Variants in PRIMPOL observed in about 807,000 individuals in gnomAD.
The protein encoded by PRIMPOL is DNA-directed primase/polymerase protein.
In PRIMPOL, 54 loss-of-function variants were observed where a neutral mutation model predicts 63.6. The observed-to-expected ratio is 0.85, with a 90% CI of 0.68 to 1.07. The LOEUF (loss-of-function observed/expected upper bound fraction) is 1.07, where lower values mean the gene tolerates loss of function less well. Ranked by LOEUF, PRIMPOL falls within the 50% of genes least tolerant of loss-of-function variation. The probability of loss-of-function intolerance (pLI) is 0.00; values close to 1 mark genes in which losing one functional copy is unlikely to be tolerated. For missense variants in PRIMPOL, 610 were observed against 648.3 expected (o/e 0.94, Z 0.64); for synonymous variants, 197 against 220.2 (o/e 0.89, Z 0.93).
chr4:184,667,384 C>T (rs548526303), intron 6 of PRIMPOL, among the ~76,000 whole-genome samples: 17 of 152,122 alleles, frequency 1.1e-4, no homozygotes, highest in African/African-American at 4.1e-4. Context: ...GTTCTTGGCT[C>T]ACTGCAACCT....
intron 11 of PRIMPOL, among the ~76,000 whole-genome samples, chr4:184,690,563 G>A (rs1380099325): frequency 1.3e-5 from 2 of 152,108 alleles, no homozygotes; most frequent in African/African-American, 4.8e-5. Flanking sequence ...AGGTTCAAGT[G>A]ATTCTCCTGC....
At chr4:184,684,445 G>T (rs1176922670) in intron 9 of PRIMPOL, among the ~76,000 whole-genome samples, 1 of 35,912 alleles carries the variant, frequency 2.8e-5, no homozygotes, top group East Asian at 0.062. Flanking sequence ...AACAGAGCAA[G>T]ACTCTGTCTC....
chr4:184,656,814 A>G (rs1746592466), intron 2 of PRIMPOL, among the ~76,000 whole-genome samples: 2 of 152,230 alleles, frequency 1.3e-5, no homozygotes, highest in Admixed American at 6.5e-5. Context: ...TATATAAAGT[A>G]CTCAAGATGA....
intron 8 of PRIMPOL, among the ~76,000 whole-genome samples, chr4:184,679,550 G>T (rs1376202934): frequency 6.6e-6 from 1 of 152,212 alleles, no homozygotes; most frequent in Non-Finnish European, 1.5e-5. Context: ...ATGTTGATAA[G>T]TTATTGGAAA....
Position 184,659,450 on chromosome 4 carries a change from C to T in PRIMPOL, c.278+13C>T. On this transcript the variant is annotated intron_variant, in intron 4 of 13. Coordinates refer to ENST00000314970, the MANE Select transcript of PRIMPOL (RefSeq NM_152683.4). ...ACTATAAATCCAGGTAGGTAGCATG[C>T]AGCAGAACCACACATTAAGCTAGAG... 4 of 1,536,894 alleles carry T rather than the reference C, an allele frequency of 2.6e-6. No individual in the cohort carries two copies. Among genetic ancestry groups the T allele is most frequent in the Non-Finnish European group, 3.6e-6 (4 of 1,109,926 alleles).
At chr4:184,676,282 T>C (rs1403224272) in intron 7 of PRIMPOL, among the ~76,000 whole-genome samples, 1 of 149,274 alleles carries the variant, frequency 6.7e-6, no homozygotes, top group Non-Finnish European at 1.5e-5. Flanking sequence ...TACAAATCAA[T>C]CTTTCTTCCC....
chr4:184,691,771 C>A, intron 13 of PRIMPOL, 59 bp downstream of exon 13: 1 of 1,329,244 alleles, frequency 7.5e-7, no homozygotes, highest in Non-Finnish European at 1.1e-6. Flanking sequence ...CAATAGTATA[C>A]CTGAGCCATG....
At chr4:184,684,322 G>T (rs958040837) in intron 9 of PRIMPOL, among the ~76,000 whole-genome samples, 1 of 152,112 alleles carries the variant, frequency 6.6e-6, no homozygotes, top group Non-Finnish European at 1.5e-5. Context: ...AAGGCGTGGT[G>T]TTGCACGCCT....
intron 6 of PRIMPOL, among the ~76,000 whole-genome samples, chr4:184,669,768 T>A (rs1205506403): frequency 6.6e-6 from 1 of 152,152 alleles, no homozygotes; most frequent in East Asian, 1.9e-4. Flanking sequence ...AATGGTCTAG[T>A]GTGGCTAGAG....
chr4:184,682,527 T>C (rs1755903604), intron 9 of PRIMPOL, among the ~76,000 whole-genome samples, 191 bp downstream of exon 9: 1 of 152,034 alleles, frequency 6.6e-6, no homozygotes, highest in Admixed American at 6.6e-5. Flanking sequence ...TTTGCATTTT[T>C]AGTAGAGATG....
At chr4:184,692,471 CAAAAAA>C (rs60321808) in intron 13 of PRIMPOL, among the ~76,000 whole-genome samples, 3 of 73,806 alleles carry the variant, frequency 4.1e-5, no homozygotes, top group Non-Finnish European at 8.3e-5. Flanking sequence ...GACTCTGCCT[CAAAAAA>C]AAAAAAAAAA....
At chr4:184,679,283 G>A (rs1754964473) in intron 8 of PRIMPOL, among the ~76,000 whole-genome samples, 2 of 151,958 alleles carry the variant, frequency 1.3e-5, no homozygotes, top group Admixed American at 1.3e-4. Context: ...CCCATGTTTT[G>A]ATCATTTTTT....
chr4:184,675,902 A>C (rs1386559997), intron 7 of PRIMPOL, among the ~76,000 whole-genome samples: 1 of 152,054 alleles, frequency 6.6e-6, no homozygotes, highest in Non-Finnish European at 1.5e-5. Flanking sequence ...GGTAAACTGT[A>C]GTGTGTGTTT....
In PRIMPOL at chr4:184,672,184, A is replaced by G; in HGVS notation, c.568A>G (p.Arg190Gly). The change falls in exon 7 of 14, where the codon AGA (arginine) becomes GGA (glycine). Residue 190 changes from arginine to glycine, a missense_variant. Physicochemically the swap from Arg to Gly is moderately radical, Grantham distance 125 (BLOSUM62 -2). Transcript: ENST00000314970. ...KDNIHVGNFL[R>G]KILQPALDLL... ...GCTTTTTTCCTTAGGTAATTTTTTG[A>G]GAAAAATTTTGCAGCCTGCTCTTGA... The G allele has an allele frequency of 6.2e-7, 1 of 1,604,428 alleles. No homozygotes were observed. The highest frequency in any genetic ancestry group is 8.5e-7 in the Non-Finnish European group (1 of 1,177,086).
chr4:184,680,585 G>T (rs138198377), intron 8 of PRIMPOL, among the ~76,000 whole-genome samples: 1 of 152,130 alleles, frequency 6.6e-6, no homozygotes, highest in Non-Finnish European at 1.5e-5. Flanking sequence ...GTTAACAGCC[G>T]TTACCCAGGA....
At position 184,672,558 on chromosome 4, in the gene PRIMPOL, C is replaced by T. The variant is rs975142479; in HGVS notation, c.844+98C>T. 3.3e-6 allele frequency: 4 copies of T among 1,202,380 alleles called. No homozygotes were observed. The African/African-American group carries it at 6.1e-5, about 18-fold the overall frequency. 74.5% of individuals were successfully genotyped at this position (1,202,380 alleles called of 1,614,324 possible). ...GTCACCGTGCTCGGGATTCTTGCTT[C>T]CTCCACTGCCCAAGTCGCCAGCACG... On this transcript the variant is annotated intron_variant, in intron 7 of 13. Coordinates refer to ENST00000314970, the MANE Select transcript of PRIMPOL (RefSeq NM_152683.4).
intron 8 of PRIMPOL, among the ~76,000 whole-genome samples, chr4:184,680,392 T>G (rs540879291): frequency 6.6e-6 from 1 of 152,196 alleles, no homozygotes; most frequent in Non-Finnish European, 1.5e-5. Flanking sequence ...TTCCCCATGT[T>G]GGGGGGGCCG....
At chr4:184,685,885 T>G (rs1003969658) in intron 11 of PRIMPOL, among the ~76,000 whole-genome samples, 2 of 152,164 alleles carry the variant, frequency 1.3e-5, no homozygotes, top group Admixed American at 6.5e-5. Context: ...CAGTGCAACC[T>G]CCGCCTCCTG....
intron 11 of PRIMPOL, among the ~76,000 whole-genome samples, chr4:184,686,876 G>A (rs1055160260): frequency 2.0e-5 from 3 of 152,096 alleles, no homozygotes; most frequent in African/African-American, 4.8e-5. Context: ...TAGAAAACAC[G>A]AAGGAGATAC....
Sources: gnomAD v4.1 joint callset for allele counts (sites outside exome capture counted in the v4.1 genomes callset) on GRCh38, gnomAD v4.1.1 for gene constraint, MANE v1.5 for transcripts, NCBI Gene and HGNC (gene_info 2026-07-23, HGNC 2026-07-21) for gene names.